Variants in EXD2 observed in about 807,000 individuals in gnomAD.
EXD2 encodes the protein exonuclease 3'-5' domain containing 2.
Under a neutral mutation model 62.5 loss-of-function variants are expected in EXD2, and 40 were observed. That is an observed-to-expected ratio of 0.64 (90% CI 0.50 to 0.83). EXD2 has a LOEUF of 0.83. Ranked by LOEUF, EXD2 falls within the 40% of genes least tolerant of loss-of-function variation. EXD2 has a pLI of 0.00. For missense variants in EXD2, 671 were observed against 761.8 expected (o/e 0.88, Z 1.40); for synonymous variants, 239 against 291.9 (o/e 0.82, Z 1.85).
Position 69,214,891 on chromosome 14 carries a change from G to A in EXD2, c.333+5088G>A, listed in dbSNP as rs186416816. Among the ~76,000 whole-genome samples, 98 of 152,172 alleles carry A rather than the reference G, an allele frequency of 6.4e-4. 1 individual carries two copies. The highest frequency in any genetic ancestry group is 2.3e-3 in the African/African-American group (96 of 41,490). On this transcript the variant is annotated intron_variant, in intron 3 of 9. Coordinates refer to ENST00000685843, the MANE Select transcript of EXD2 (RefSeq NM_001193360.2). Reference sequence around the variant, plus strand: ...ATTGTGAGATTTACCTGTGTTGGGTGTGACTATGATTTGTTGCCATATAGT... The same window carrying A: ...ATTGTGAGATTTACCTGTGTTGGGTATGACTATGATTTGTTGCCATATAGT...
intron 3 of EXD2, chr14:69,228,160 T>C (rs993272952): frequency 6.7e-6 from 1 of 149,276 alleles, no homozygotes; most frequent in African/African-American, 2.4e-5. Flanking sequence ...TTTCTCACTC[T>C]ACTCCTGGGC....
At chr14:69,240,356 G>A (rs760815308) in intron 9 of EXD2, among the ~76,000 whole-genome samples, 8 of 152,294 alleles carry the variant, frequency 5.3e-5, no homozygotes, top group African/African-American at 1.9e-4. Flanking sequence ...CACTGTGACC[G>A]AAACACTTCT....
At position 69,191,506 on chromosome 14, in the gene EXD2, C is replaced by A. The variant is rs2042021253; in HGVS notation, c.-217C>A. 2 of 152,306 alleles carry A rather than the reference C, an allele frequency of 1.3e-5. No individual in the cohort carries two copies. Among genetic ancestry groups the A allele is most frequent in the Admixed American group, 1.3e-4 (2 of 15,284 alleles). 9.4% of individuals were successfully genotyped at this position (152,306 alleles called of 1,614,324 possible). ...GAAGTGGTTACGGCCCTAGTGAATCCGGGTGGGTGCGCGCAGGCGGCCGCA... is the reference window on the plus strand; with the variant it reads ...GAAGTGGTTACGGCCCTAGTGAATCAGGGTGGGTGCGCGCAGGCGGCCGCA... On this transcript the variant is annotated 5_prime_UTR_variant, in exon 1 of 10. Coordinates refer to ENST00000685843, the MANE Select transcript of EXD2 (RefSeq NM_001193360.2).
chr14:69,198,222 C>G (rs1345265381), intron 1 of EXD2, among the ~76,000 whole-genome samples: 1 of 152,192 alleles, frequency 6.6e-6, no homozygotes, highest in African/African-American at 2.4e-5. Flanking sequence ...ATTTTATACT[C>G]ATCAGACTTT....
chr14:69,230,003 G>A (rs563924949), intron 4 of EXD2, among the ~76,000 whole-genome samples: 41 of 152,238 alleles, frequency 2.7e-4, no homozygotes, highest in South Asian at 1.5e-3. Flanking sequence ...AAAACTCTGC[G>A]AAAGTCTATG....
rs1212446933 is a variant in EXD2, at chr14:69,235,013, G to T, written c.1031G>T (p.Gly344Val). The T allele has an allele frequency of 6.3e-7, 1 of 1,596,878 alleles. No individual in the cohort carries two copies. The highest frequency in any genetic ancestry group is 1.8e-5 in the Admixed American group (1 of 56,142). The change falls in exon 6 of 10, where the codon GGG (glycine) becomes GTG (valine). Residue 344 changes from glycine (G) to valine (V), a missense_variant. Coordinates refer to ENST00000685843, the MANE Select transcript of EXD2 (RefSeq NM_001193360.2). The part of the protein sequence containing the change: ...DPRKHKRKPL[G>V]VGYSARKSPL... The stretch of plus-strand genomic sequence containing the variant: ...AGAAAACATAAAAGAAAGCCTCTGG[G>T]GGTGGGCTATTCTGCCAGGTAACTG...
intron 1 of EXD2, among the ~76,000 whole-genome samples, chr14:69,196,510 G>A (rs1269530302): frequency 1.3e-5 from 2 of 152,124 alleles, no homozygotes; most frequent in African/African-American, 4.8e-5. Flanking sequence ...ATACCTGCCA[G>A]TGGCATTGCT....
intron 9 of EXD2, among the ~76,000 whole-genome samples, chr14:69,238,137 T>C (rs1437275371): frequency 6.6e-6 from 1 of 152,236 alleles, no homozygotes; most frequent in Non-Finnish European, 1.5e-5. Flanking sequence ...AAACTTGCTT[T>C]TGTGAGGTGC....
chr14:69,228,434 C>T (rs567670401), intron 3 of EXD2, among the ~76,000 whole-genome samples: 15 of 152,204 alleles, frequency 9.9e-5, no homozygotes, highest in African/African-American at 2.2e-4. Flanking sequence ...TCAGGTGATC[C>T]GCCCGCCTTG....
At chr14:69,195,471 A>G (rs567074881) in intron 1 of EXD2, among the ~76,000 whole-genome samples, 1 of 152,318 alleles carries the variant, frequency 6.6e-6, no homozygotes, top group Non-Finnish European at 1.5e-5. Flanking sequence ...TGCTGGGATT[A>G]CAGGTGTGAA....
intron 3 of EXD2, 133 bp from the exon 4 acceptor site, chr14:69,228,683 C>G: frequency 1.7e-6 from 2 of 1,203,054 alleles, no homozygotes; most frequent in South Asian, 1.5e-5. Flanking sequence ...TCTGTAGATG[C>G]AAACCAAAAC....
In EXD2 at chr14:69,243,990, G is replaced by A. The variant is rs183037434; in HGVS notation, c.*2890G>A. 80 of 152,162 alleles carry A rather than the reference G, an allele frequency of 5.3e-4. No individual in the cohort carries two copies. The highest frequency in any genetic ancestry group is 1.9e-3 in the African/African-American group (78 of 41,502). 9.4% of individuals were successfully genotyped at this position (152,162 alleles called of 1,614,324 possible). A position where few individuals can be genotyped will look rare whatever the true frequency, so the allele number is the denominator to read the frequency against. On this transcript the variant is annotated 3_prime_UTR_variant, in exon 10 of 10. Transcript: ENST00000685843. ...TTTAAAATAAAAATGTAAAAAAAAG[G>A]TAAAAAAATAAAATTTTAAATTTTA...
rs760180688 is a variant in EXD2, at chr14:69,234,762, C to A, written c.780C>A (p.Tyr260Ter). ...SVALFLHLLG[Y>*]PFSRNSPGEK... ...CTCTCTTTCTTCATCTTCTTGGATA[C>A]CCTTTCTCTAGGAATTCACCTGGAG... is the stretch of plus-strand genomic sequence containing the variant. Residue 260 changes from tyrosine to a stop codon, truncating the protein, a stop_gained, in exon 6 of 10, where the codon TAC becomes TAA. Coordinates refer to ENST00000685843, the MANE Select transcript of EXD2 (RefSeq NM_001193360.2). LOFTEE classifies it high-confidence loss of function. 1.2e-6 allele frequency: 2 copies of A among 1,614,076 alleles called. No individual in the cohort carries two copies. The highest frequency in any genetic ancestry group is 1.7e-6 in the Non-Finnish European group (2 of 1,180,010).
At chr14:69,226,887 T>C (rs1167003141) in intron 3 of EXD2, among the ~76,000 whole-genome samples, 1 of 152,162 alleles carries the variant, frequency 6.6e-6, no homozygotes, top group Non-Finnish European at 1.5e-5. Context: ...TGTGACACTT[T>C]GCTTGAAACA....
intron 9 of EXD2, chr14:69,239,312 G>A (rs1008236406): frequency 1.3e-5 from 2 of 152,152 alleles, no homozygotes; most frequent in Admixed American, 6.5e-5. Flanking sequence ...TTTTCCAACA[G>A]GACCAGGAGT....
rs982159851 is a variant in EXD2, at chr14:69,218,156, G to A, written c.333+8353G>A. Among the ~76,000 whole-genome samples, 77 of 152,276 alleles carry A rather than the reference G, an allele frequency of 5.1e-4. No homozygotes were observed. In the Middle Eastern group the frequency reaches 0.014, roughly 27 times the overall value. The stretch of plus-strand genomic sequence containing the variant: ...ACTAGTTTACAGTCCCACCAACAGT[G>A]TAAAAGTGTTCCTATTTCTCCACAT... On this transcript the variant is annotated intron_variant, in intron 3 of 9. Coordinates refer to ENST00000685843, the MANE Select transcript of EXD2 (RefSeq NM_001193360.2).
At chr14:69,240,520 AC>A (rs1418326908) in intron 9 of EXD2, among the ~76,000 whole-genome samples, 1 of 152,222 alleles carries the variant, frequency 6.6e-6, no homozygotes, top group Non-Finnish European at 1.5e-5. Context: ...CCCAGAATGA[AC>A]AACTTAAAAG....
At chr14:69,193,099 C>G (rs911406015) in intron 1 of EXD2, among the ~76,000 whole-genome samples, 3 of 148,898 alleles carry the variant, frequency 2.0e-5, no homozygotes, top group Non-Finnish European at 4.4e-5. Flanking sequence ...TGCTCTGTTG[C>G]CCAGGTTGGA....
chr14:69,192,184 A>G (rs1340417455), intron 1 of EXD2: 2 of 152,178 alleles, frequency 1.3e-5, no homozygotes, highest in Non-Finnish European at 2.9e-5. Flanking sequence ...CAAAATTGAC[A>G]TCTGCTCCTT....
Sources: gnomAD v4.1 joint callset for allele counts (sites outside exome capture counted in the v4.1 genomes callset) on GRCh38, gnomAD v4.1.1 for gene constraint, MANE v1.5 for transcripts, NCBI Gene and HGNC (gene_info 2026-07-23, HGNC 2026-07-21) for gene names.